MGA: variants seen among roughly 807,000 people sequenced by gnomAD.
MGA encodes the protein MAX gene-associated protein.
In MGA, 40 loss-of-function variants were observed where a neutral mutation model predicts 261.1. The ratio of observed to expected loss-of-function variants is 0.15; its 90% CI spans 0.12 to 0.20. The LOEUF is 0.20. Among genes scored for constraint, MGA ranks in the 10% least tolerant of loss-of-function variants. MGA has a pLI of 1.00. For synonymous variants in MGA, 1,302 were observed against 1,290.6 expected (o/e 1.01, Z -0.19); for missense variants, 3,397 against 3,630.5 (o/e 0.94, Z 1.65).
At chr15:41,717,672 T>A (rs1315214292) in intron 9 of MGA, among the ~76,000 whole-genome samples, 2 of 152,206 alleles carry the variant, frequency 1.3e-5, no homozygotes, top group Non-Finnish European at 2.9e-5. Context: ...GCTTCACTGT[T>A]GAATTCTATA....
chr15:41,763,780 G>A (rs1436933212), intron 22 of MGA, among the ~76,000 whole-genome samples: 3 of 152,038 alleles, frequency 2.0e-5, no homozygotes, highest in Admixed American at 6.5e-5. Flanking sequence ...AAACCCCAAA[G>A]TAAATTAGTC....
chr15:41,680,489 A>G (rs974699657), intron 2 of MGA, among the ~76,000 whole-genome samples: 1 of 152,194 alleles, frequency 6.6e-6, no homozygotes, highest in Non-Finnish European at 1.5e-5. Context: ...TTGAGACATT[A>G]ACCACAACTG....
In MGA at chr15:41,698,881, G is replaced by C; in HGVS notation, c.2032G>C (p.Ala678Pro). 1 of 1,544,428 alleles carries C rather than the reference G, an allele frequency of 6.5e-7. No individual in the cohort carries two copies. Among genetic ancestry groups the C allele is most frequent in the South Asian group, 1.2e-5 (1 of 83,520 alleles). The change falls in exon 4 of 24, where the codon GCA becomes CCA. Residue 678 changes from alanine (A) to proline (P), a missense_variant. By Grantham distance (27) the Ala-to-Pro change is conservative. Around this residue, in one of 9 missense-constraint regions of MGA, gnomAD observed 563 missense variants for 563.6 expected, o/e 1.00. Coordinates refer to ENST00000219905, the MANE Select transcript of MGA (RefSeq NM_001164273.2). ...TGTATAGGAAGCTCTAGACATTCAT[G>C]CAGTTGATGGGACAACAGAAGAATC... is the stretch of plus-strand genomic sequence containing the variant.
At chr15:41,704,380 C>T (rs2060002163) in intron 5 of MGA, among the ~76,000 whole-genome samples, 1 of 152,024 alleles carries the variant, frequency 6.6e-6, no homozygotes, top group Non-Finnish European at 1.5e-5. Flanking sequence ...TGATTAGCGG[C>T]CAGGCGCGGT....
chr15:41,730,297 G>A (rs1208902395), intron 11 of MGA, among the ~76,000 whole-genome samples: 2 of 152,028 alleles, frequency 1.3e-5, no homozygotes, highest in Non-Finnish European at 1.5e-5. Flanking sequence ...AAATTAGCCG[G>A]GTGTGGTGGT....
Position 41,669,926 on chromosome 15 carries a change from A to G in MGA, c.1032A>G (p.Glu344=). The G allele has an allele frequency of 6.2e-7, 1 of 1,613,550 alleles. No homozygotes were observed. Among genetic ancestry groups the G allele is most frequent in the Non-Finnish European group, 8.5e-7 (1 of 1,179,624 alleles). ...TGGATACTGATTCAGCACTTAGTGA[A>G]GTTCCTCAATTGAAGCAAGAGATTT... The change falls in exon 2 of 24, where the codon GAA becomes GAG. Residue 344 remains glutamate, a synonymous_variant. Coordinates refer to ENST00000219905, the MANE Select transcript of MGA (RefSeq NM_001164273.2).
chr15:41,640,141 A>G (rs934358689), intron 1 of MGA, among the ~76,000 whole-genome samples: 20 of 152,188 alleles, frequency 1.3e-4, no homozygotes, highest in Admixed American at 1.1e-3. Context: ...ATTAGGGAGA[A>G]TGATGCTGGT....
chr15:41,626,155 A>G (rs772138010), intron 1 of MGA, among the ~76,000 whole-genome samples: 7 of 152,230 alleles, frequency 4.6e-5, no homozygotes, highest in Non-Finnish European at 8.8e-5. Context: ...CTTGGAATGT[A>G]TCCTGTGGGG....
In MGA at chr15:41,748,933, A is replaced by C. The variant is rs1186814793; in HGVS notation, c.5503+6A>C. 1.2e-6 allele frequency: 2 copies of C among 1,610,932 alleles called. No individual in the cohort carries two copies. Among genetic ancestry groups the C allele is most frequent in the Non-Finnish European group, 1.7e-6 (2 of 1,178,760 alleles). ...TGTCATGTTTCGGAACCCAGGTATA[A>C]AGTTCTTTTTTATGAACTTTTCTTT... On this transcript the variant is annotated splice_donor_region_variant and intron_variant, in intron 16 of 23. Transcript: ENST00000219905.
Position 41,696,794 on chromosome 15 carries a change from C to T in MGA, c.1784C>T (p.Thr595Ile), listed in dbSNP as rs1024005890. The change falls in exon 3 of 24, where the codon ACA (threonine) becomes ATA (isoleucine). Residue 595 changes from threonine to isoleucine, a missense_variant. Physicochemically the swap from Thr to Ile is moderately conservative, Grantham distance 89. Coordinates refer to ENST00000219905, the MANE Select transcript of MGA (RefSeq NM_001164273.2). ...AGAACAACTATGCTTAAGATTGCAA[C>T]AGCCGCAAAGGTAGTGAATGCTAAT... The T allele has an allele frequency of 1.7e-5, 27 of 1,604,980 alleles. No homozygotes were observed. Among genetic ancestry groups the T allele is most frequent in the Non-Finnish European group, 2.2e-5 (26 of 1,175,636 alleles).
intron 2 of MGA, among the ~76,000 whole-genome samples, chr15:41,678,780 A>C (rs552295484): frequency 5.6e-4 from 81 of 144,074 alleles, no homozygotes; most frequent in African/African-American, 1.8e-3. Context: ...AAAAAAAAAA[A>C]CCACAAAATG....
intron 2 of MGA, among the ~76,000 whole-genome samples, chr15:41,674,740 G>C (rs997472762): frequency 2.0e-5 from 3 of 152,002 alleles, no homozygotes; most frequent in Non-Finnish European, 4.4e-5. Context: ...GGATGGTCTC[G>C]ATCTCTTGAC....
At chr15:41,716,253 C>T (rs1346417364) in intron 9 of MGA, among the ~76,000 whole-genome samples, 1 of 151,128 alleles carries the variant, frequency 6.6e-6, no homozygotes, top group African/African-American at 2.4e-5. Context: ...CGAGACTGTC[C>T]TGGCTAACAC....
Position 41,710,997 on chromosome 15 carries a change from C to T in MGA, c.2732C>T (p.Thr911Ile), listed in dbSNP as rs754449190. Residue 911 changes from threonine to isoleucine, a missense_variant, in exon 8 of 24, where the codon ACT becomes ATT. This residue lies in a region of MGA where 519 missense variants were observed against 554.1 expected (regional missense o/e 0.94). Transcript: ENST00000219905. ...AGACAGGCAACTTTCAGTGGCCGAA[C>T]TAAATCATCTTATAAATCCATTTTA... 2.5e-6 allele frequency: 4 copies of T among 1,614,000 alleles called. No homozygotes were observed. In the Admixed American group the frequency reaches 6.7e-5, roughly 27 times the overall value.
At chr15:41,645,566 A>G (rs1485096213) in intron 1 of MGA, among the ~76,000 whole-genome samples, 1 of 152,236 alleles carries the variant, frequency 6.6e-6, no homozygotes, top group Non-Finnish European at 1.5e-5. Context: ...CCTGGGCTAC[A>G]GAGTGAGACT....
At chr15:41,732,780 G>A (rs1305516124) in intron 11 of MGA, among the ~76,000 whole-genome samples, 7 of 152,132 alleles carry the variant, frequency 4.6e-5, no homozygotes, top group South Asian at 4.1e-4. Flanking sequence ...CATTAACTAC[G>A]TAGATTAAAT....
intron 2 of MGA, among the ~76,000 whole-genome samples, chr15:41,673,256 T>C (rs2058172353): frequency 6.6e-6 from 1 of 152,094 alleles, no homozygotes; most frequent in Non-Finnish European, 1.5e-5. Flanking sequence ...CTTGCCCTGT[T>C]GCCCAGGCTG....
At chr15:41,729,066 C>T in intron 10 of MGA, 98 bp from the exon 11 acceptor site, 2 of 1,252,348 alleles carry the variant, frequency 1.6e-6, no homozygotes, top group Non-Finnish European at 2.2e-6. Flanking sequence ...AAAATTTCGA[C>T]TGTTGTAATA....
chr15:41,656,349 T>TC (rs2057183482), upstream of MGA, among the ~76,000 whole-genome samples: 9 of 89,380 alleles, frequency 1.0e-4, no homozygotes, highest in African/African-American at 2.7e-4. Flanking sequence ...CTCTCTTCTC[T>TC]CTCTCTCTCT....
Sources: gnomAD v4.1 joint callset for allele counts (sites outside exome capture counted in the v4.1 genomes callset) on GRCh38, gnomAD v4.1.1 for gene constraint, gnomAD v4.1.1 regional missense constraint, MANE v1.5 for transcripts, NCBI Gene and HGNC (gene_info 2026-07-23, HGNC 2026-07-21) for gene names.